The following RANGAP1 variants were observed in gnomAD, a reference collection of about 807,000 sequenced individuals.
RANGAP1 encodes Ran GTPase activating protein 1.
RANGAP1 carries 38 observed loss-of-function variants against 63.5 expected under a neutral mutation model. The ratio of observed to expected loss-of-function variants is 0.60; its 90% CI spans 0.46 to 0.78. The LOEUF is 0.78. RANGAP1 is among the 30% of genes least tolerant of loss of function. RANGAP1 has a pLI of 0.00. For missense variants in RANGAP1, 630 were observed against 740.3 expected (o/e 0.85, Z 1.73); for synonymous variants, 329 against 310.5 (o/e 1.06, Z -0.63).
rs2033890035 is a variant in RANGAP1, at chr22:41,257,101, T to C, written c.775-277A>G. Among the ~76,000 whole-genome samples the C allele has an allele frequency of 6.6e-6, 1 of 152,082 alleles. No individual in the cohort carries two copies. The highest frequency in any genetic ancestry group is 2.1e-4 in the South Asian group (1 of 4,830). On this transcript the variant is annotated intron_variant, in intron 7 of 15. Coordinates refer to ENST00000356244, the MANE Select transcript of RANGAP1 (RefSeq NM_002883.4). This position sits in a 1 kb window ranked among gnomAD's most constrained non-coding sequence, Gnocchi z 4.0. ...TCTTCCACACGTAAGCTGATCCCTC[T>C]GCCTGAAACACCCATCCCCCACCCT...
chr22:41,264,559 A>C, intron 5 of RANGAP1, 105 bp downstream of exon 5: 1 of 1,367,274 alleles, frequency 7.3e-7, no homozygotes. Context: ...TTTTGAAAAC[A>C]ACGGCTGACC....
intron 15 of RANGAP1, among the ~76,000 whole-genome samples, chr22:41,248,077 G>C (rs1003010592): frequency 1.3e-5 from 2 of 152,150 alleles, no homozygotes; most frequent in Admixed American, 6.5e-5. Flanking sequence ...AGGCGCAGAC[G>C]GGGGCTGGGG....
chr22:41,295,692 C>A, the RANGAP1 span, among the ~76,000 whole-genome samples: 8 of 121,976 alleles, frequency 6.6e-5, no homozygotes, highest in African/African-American at 1.2e-4. Flanking sequence ...CAAGAATGAT[C>A]AATTAAAAAA....
the RANGAP1 span, among the ~76,000 whole-genome samples, chr22:41,300,021 G>T: frequency 3.3e-5 from 5 of 151,556 alleles, no homozygotes; most frequent in East Asian, 5.9e-4. Flanking sequence ...AAAGTGCTGG[G>T]ATTATAGGCG....
At chr22:41,274,336 A>G (rs1004612176) in intron 3 of RANGAP1, among the ~76,000 whole-genome samples, 1 of 152,220 alleles carries the variant, frequency 6.6e-6, no homozygotes, top group African/African-American at 2.4e-5. Flanking sequence ...CTGCATTATG[A>G]GAAGGCTCTC....
intron 3 of RANGAP1, among the ~76,000 whole-genome samples, chr22:41,269,102 T>G (rs933211439): frequency 6.6e-6 from 1 of 152,184 alleles, no homozygotes; most frequent in Non-Finnish European, 1.5e-5. Flanking sequence ...TTTTAAGAGA[T>G]AGGTTCTCAC....
chr22:41,266,280 C>T (rs2034473532), intron 4 of RANGAP1, among the ~76,000 whole-genome samples: 1 of 116,148 alleles, frequency 8.6e-6, no homozygotes, highest in Non-Finnish European at 1.9e-5. Context: ...GTGCCTACTC[C>T]ACCACATGCC....
At chr22:41,281,305 G>C in intron 1 of RANGAP1, 2 of 779,832 alleles carry the variant, frequency 2.6e-6, no homozygotes, top group Non-Finnish European at 3.4e-6. Flanking sequence ...TAGCCTATAA[G>C]AAGCTACCAT....
chr22:41,293,545 C>A, the RANGAP1 span, among the ~76,000 whole-genome samples: 1 of 151,656 alleles, frequency 6.6e-6, no homozygotes, highest in East Asian at 1.9e-4. Flanking sequence ...TTTGGGAGGC[C>A]GAGGTGGGCG....
intron 15 of RANGAP1, among the ~76,000 whole-genome samples, chr22:41,248,244 C>G (rs1421549023): frequency 6.6e-6 from 1 of 152,208 alleles, no homozygotes; most frequent in Non-Finnish European, 1.5e-5. Context: ...CACAGTGAGG[C>G]TCTACCTAGC....
At chr22:41,256,666 AC>A in intron 8 of RANGAP1, 44 bp downstream of exon 8, 1 of 1,557,068 alleles carries the variant, frequency 6.4e-7, no homozygotes. Context: ...CCGCCCCACC[AC>A]CCACAGACCC....
chr22:41,283,222 G>A (rs1030490901), intron 1 of RANGAP1, among the ~76,000 whole-genome samples: 1 of 122,182 alleles, frequency 8.2e-6, no homozygotes, highest in East Asian at 2.1e-4. Context: ...AAAGGGGGGG[G>A]TTGGGGGGCC....
intron 6 of RANGAP1, among the ~76,000 whole-genome samples, chr22:41,259,289 T>C (rs527907063): frequency 9.9e-5 from 15 of 152,178 alleles, no homozygotes; most frequent in Admixed American, 9.2e-4. Flanking sequence ...CACAGGGCAA[T>C]GGGGGGAGCG....
rs2032944888 is a variant in RANGAP1 at position 41,244,865 on chromosome 22, G to A, written c.*1738C>T. 6.6e-6 allele frequency among the ~76,000 whole-genome samples: 1 copy of A among 152,118 alleles called. No individual in the cohort carries two copies. The highest frequency in any genetic ancestry group is 1.5e-5 in the Non-Finnish European group (1 of 68,040). ...CAACCATCACCACTCTCCATTTCCA[G>A]AACATCTTCATCATCCCAGAGAATC... On this transcript the variant is annotated 3_prime_UTR_variant, in exon 16 of 16. Transcript: ENST00000356244.
the RANGAP1 span, among the ~76,000 whole-genome samples, chr22:41,292,683 G>T: frequency 6.6e-6 from 1 of 151,444 alleles, no homozygotes; most frequent in African/African-American, 2.4e-5. Flanking sequence ...GGAGGCGGAG[G>T]TTGCATGAGC....
intron 8 of RANGAP1, 130 bp from the exon 9 acceptor site, chr22:41,256,420 G>T: frequency 1.2e-6 from 1 of 845,714 alleles, no homozygotes. Flanking sequence ...AAGTGGGCAG[G>T]AAGAATAACA....
At chr22:41,289,840 T>G (rs1191597792), upstream of RANGAP1, among the ~76,000 whole-genome samples, 1 of 152,090 alleles carries the variant, frequency 6.6e-6, no homozygotes, top group Non-Finnish European at 1.5e-5. Flanking sequence ...CAAGTTACAG[T>G]GTGACTTACA....
Position 41,256,268 on chromosome 22 carries a change from T to A in RANGAP1, c.911A>T (p.Glu304Val). 6.2e-7 allele frequency: 1 copy of A among 1,614,112 alleles called. No individual in the cohort carries two copies. ...AGCCAGGGCAGCATCCCTCTTGATT[T>A]CACAGAATGACAAGTTCAGCTCCTG... ...KLKELNLSFC[E>V]IKRDAALAVA... Residue 304 changes from glutamate to valine, a missense_variant, in exon 9 of 16, where the codon GAA (glutamate) becomes GTA (valine). Around this residue, in one of 3 missense-constraint regions of RANGAP1, gnomAD observed 428 missense variants for 465.5 expected, o/e 0.92. Transcript: ENST00000356244.
At chr22:41,262,863 T>C (rs912000709) in intron 5 of RANGAP1, among the ~76,000 whole-genome samples, 1 of 152,182 alleles carries the variant, frequency 6.6e-6, no homozygotes, top group African/African-American at 2.4e-5. Context: ...CCATGCCTCT[T>C]GCCCCACCAA....
Sources: allele counts gnomAD v4.1 joint callset (sites outside exome capture counted in the v4.1 genomes callset), GRCh38; gene constraint gnomAD v4.1.1; regional missense constraint gnomAD v4.1.1; non-coding constraint Gnocchi (gnomAD v3.1); transcripts MANE v1.5; gene names NCBI Gene and HGNC (gene_info 2026-07-23, HGNC 2026-07-21).